Variants in PHC1 observed in about 807,000 individuals in gnomAD.
PHC1 encodes the protein polyhomeotic-like protein 1.
PHC1 carries 12 observed loss-of-function variants against 104.3 expected under a neutral mutation model. The observed-to-expected ratio is 0.12, with a 90% CI of 0.07 to 0.19. PHC1 has a LOEUF of 0.19. PHC1 is among the 10% of genes least tolerant of loss of function. The pLI is 1.00. For synonymous variants in PHC1, 302 were observed against 455.8 expected (o/e 0.66, Z 4.30); for missense variants, 671 against 1,200.0 (o/e 0.56, Z 6.51).
At position 8,921,708 on chromosome 12, in the gene PHC1, C is replaced by G. The variant is rs778531275; in HGVS notation, c.414C>G (p.Thr138=). Residue 138 remains threonine (T), a synonymous_variant, in exon 5 of 15, where the codon ACC becomes ACG. Transcript: ENST00000544916. ...AATCTGTGCTACTGGGGAACACCAC[C>G]TCCCCACCCCTCAACCAGTCTCAGG... ...LTQSVLLGNT[T]SPPLNQSQAQ... is the part of the protein sequence containing the mutation. 4.3e-6 allele frequency: 7 copies of G among 1,612,704 alleles called. No individual in the cohort carries two copies. In the South Asian group the frequency reaches 7.7e-5, roughly 18 times the overall value.
At chr12:8,922,503 G>A in intron 5 of PHC1, 130 bp from the exon 6 acceptor site, 1 of 715,380 alleles carries the variant, frequency 1.4e-6, no homozygotes, top group African/African-American at 1.8e-5. Context: ...TCCTGGGTTG[G>A]TGTGGAAGAG....
Position 8,933,265 on chromosome 12 carries a change from A to G in PHC1, c.1808A>G (p.His603Arg), listed in dbSNP as rs1565521592. The G allele has an allele frequency of 5.4e-6, 8 of 1,486,348 alleles. No individual in the cohort carries two copies. Among genetic ancestry groups the G allele is most frequent in the Non-Finnish European group, 5.4e-6 (6 of 1,108,218 alleles). The allele number at this position is 1,486,348 out of a possible 1,614,324, so 92.1% of individuals were successfully genotyped here. The change falls in exon 8 of 15, where the codon CAT becomes CGT. Residue 603 changes from histidine to arginine, a missense_variant. Around this residue, in one of 9 missense-constraint regions of PHC1, gnomAD observed 95 missense variants for 108.8 expected, o/e 0.87. Coordinates refer to ENST00000544916, the MANE Select transcript of PHC1 (RefSeq NM_004426.3). ...MTLAPVQGTA[H>R]VVKGGATTSS... ...CTTGCTCCTGTGCAGGGGACAGCAC[A>G]TGTGGTAAAGGGTGGGGCTACCACC...
intron 6 of PHC1, among the ~76,000 whole-genome samples, chr12:8,926,693 C>T (rs765590517): frequency 9.0e-4 from 136 of 151,896 alleles, no homozygotes; most frequent in Middle Eastern, 3.4e-3. Flanking sequence ...GTGGATCACC[C>T]GAGGTCAGGA....
intron 6 of PHC1, among the ~76,000 whole-genome samples, chr12:8,926,048 A>G (rs1592196866): frequency 2.0e-5 from 3 of 152,344 alleles, no homozygotes; most frequent in Middle Eastern, 6.8e-3. Flanking sequence ...AGGAGATGCC[A>G]GATAGGAAAT....
In PHC1 at chr12:8,932,565, A is replaced by G. The variant is rs761790348; in HGVS notation, c.1108A>G (p.Thr370Ala). 6.2e-7 allele frequency: 1 copy of G among 1,613,522 alleles called. No individual in the cohort carries two copies. The highest frequency in any genetic ancestry group is 8.5e-7 in the Non-Finnish European group (1 of 1,179,526). The part of the protein sequence containing the change: ...APSQTLISSA[T>A]YTQIQPHSLI... ...GTATTCTGGGATTGTTCCTATAGCCACCTACACACAGATCCAGCCCCATTC... is the reference window on the plus strand; with the variant it reads ...GTATTCTGGGATTGTTCCTATAGCCGCCTACACACAGATCCAGCCCCATTC... Residue 370 changes from threonine (T) to alanine (A), a missense_variant and splice_region_variant, in exon 8 of 15, where the codon ACC becomes GCC. Physicochemically the swap from Thr to Ala is moderately conservative, Grantham distance 58. Coordinates refer to ENST00000544916, the MANE Select transcript of PHC1 (RefSeq NM_004426.3).
chr12:8,926,140 G>T (rs1291143549), intron 6 of PHC1, among the ~76,000 whole-genome samples: 4 of 152,192 alleles, frequency 2.6e-5, no homozygotes, highest in African/African-American at 7.2e-5. Context: ...TGGACATGCA[G>T]ACCTAATTAG....
Position 8,933,943 on chromosome 12 carries a change from A to G in PHC1, c.1972A>G (p.Met658Val), listed in dbSNP as rs141595157. 9.2e-5 allele frequency: 148 copies of G among 1,613,646 alleles called. No homozygotes were observed. The African/African-American group carries it at 1.6e-3, about 18-fold the overall frequency. Reference protein sequence around the residue: ...ERDDVSTLGSMLPAKASPVAE... With the variant: ...ERDDVSTLGSVLPAKASPVAE... The stretch of plus-strand genomic sequence containing the variant: ...AGATGATGTCTCCACATTGGGTTCA[A>G]TGCTTCCTGCCAAGGCATCTCCAGT... Residue 658 changes from methionine (M) to valine (V), a missense_variant, in exon 9 of 15, where the codon ATG (methionine) becomes GTG (valine). Around this residue, in one of 9 missense-constraint regions of PHC1, gnomAD observed 95 missense variants for 108.8 expected, o/e 0.87. Transcript: ENST00000544916.
In PHC1 at chr12:8,937,941, G is replaced by A; in HGVS notation, c.2741G>A (p.Gly914Glu). Residue 914 changes from glycine to glutamate, a missense_variant, in exon 14 of 15, where the codon GGG becomes GAG. This residue lies in a region of PHC1 where 192 missense variants were observed against 280.5 expected (regional missense o/e 0.68). Transcript: ENST00000544916. ...VRAGHGERDL[G>E]NPNTAPPTPE... is the part of the protein sequence containing the mutation. ...GCTGGGCATGGAGAACGTGACCTGGGGAATCCCAATACAGCTCCACCTACA... is the reference window on the plus strand; with the variant it reads ...GCTGGGCATGGAGAACGTGACCTGGAGAATCCCAATACAGCTCCACCTACA... 1.2e-6 allele frequency: 2 copies of A among 1,603,406 alleles called. No individual in the cohort carries two copies. Among genetic ancestry groups the A allele is most frequent in the Non-Finnish European group, 8.5e-7 (1 of 1,170,464 alleles).
At chr12:8,918,947 T>A (rs970835620) in intron 2 of PHC1, among the ~76,000 whole-genome samples, 1 of 152,228 alleles carries the variant, frequency 6.6e-6, no homozygotes, top group African/African-American at 2.4e-5. Context: ...GCTGTTACTC[T>A]GACCACTCCT....
intron 13 of PHC1, 47 bp from the exon 14 acceptor site, chr12:8,937,782 A>G: frequency 6.8e-7 from 1 of 1,471,136 alleles, no homozygotes; most frequent in Non-Finnish European, 9.5e-7. Context: ...AGAGAGAGGA[A>G]TAAACCTTTG....
chr12:8,936,224 A>G (rs1331762801), intron 11 of PHC1, among the ~76,000 whole-genome samples: 1 of 152,196 alleles, frequency 6.6e-6, no homozygotes, highest in African/African-American at 2.4e-5. Flanking sequence ...CTACAAAAAA[A>G]TATAAAAATT....
chr12:8,936,416 G>A (rs1235408202), intron 11 of PHC1, among the ~76,000 whole-genome samples: 1 of 151,940 alleles, frequency 6.6e-6, no homozygotes, highest in Non-Finnish European at 1.5e-5. Flanking sequence ...ATCTAAAATA[G>A]GACATTTATA....
chr12:8,933,985 G>C lies in PHC1; in HGVS notation c.2014G>C (p.Val672Leu). The change falls in exon 9 of 15, where the codon GTC becomes CTC. Residue 672 changes from valine (V) to leucine (L), a missense_variant. By Grantham distance (32) the Val-to-Leu change is conservative. This residue lies in a region of PHC1 where 95 missense variants were observed against 108.8 expected (regional missense o/e 0.87). Coordinates refer to ENST00000544916, the MANE Select transcript of PHC1 (RefSeq NM_004426.3). ...KASPVAESPK[V>L]MDEKSSLGEK... is the part of the protein sequence containing the mutation. ...ATCTCCAGTAGCAGAAAGCCCAAAA[G>C]TCATGGACGAGAAGAGCAGTCTTGG... 1 of 1,614,180 alleles carries C rather than the reference G, an allele frequency of 6.2e-7. No individual in the cohort carries two copies.
upstream of PHC1, among the ~76,000 whole-genome samples, chr12:8,914,264 C>T (rs1945129600): frequency 6.6e-6 from 1 of 152,042 alleles, no homozygotes; most frequent in Admixed American, 6.5e-5. Context: ...TTCGTCCTTC[C>T]AACCGGCGAG....
In PHC1 at chr12:8,933,617, C is replaced by T. The variant is rs914909866; in HGVS notation, c.1894-248C>T. ...ACCAAATCAGTCTTTGAAAAAACAA[C>T]AGTTCTTGGTTGGTCTACGTGAATA... is the stretch of plus-strand genomic sequence containing the variant. On this transcript the variant is annotated intron_variant, in intron 8 of 14. Coordinates refer to ENST00000544916, the MANE Select transcript of PHC1 (RefSeq NM_004426.3). 7 of 600,016 alleles carry T rather than the reference C, an allele frequency of 1.2e-5. No individual in the cohort carries two copies. In the East Asian group the frequency reaches 2.0e-4, roughly 17 times the overall value. 37.2% of individuals were successfully genotyped at this position (600,016 alleles called of 1,614,324 possible). A position where few individuals can be genotyped will look rare whatever the true frequency, so the allele number is the denominator to read the frequency against.
In PHC1 at chr12:8,941,387, C is replaced by T. The variant is rs1946003573; in HGVS notation, c.*1928C>T. 1.1e-5 allele frequency: 2 copies of T among 183,266 alleles called. No homozygotes were observed. The highest frequency in any genetic ancestry group is 4.8e-5 in the African/African-American group (2 of 41,836). 11.4% of individuals were successfully genotyped at this position (183,266 alleles called of 1,614,324 possible). ...GAGGCTACTATAGGGTACAGAATAACAACATGAAAGCAATCAACCCTGTAT... is the reference window on the plus strand; with the variant it reads ...GAGGCTACTATAGGGTACAGAATAATAACATGAAAGCAATCAACCCTGTAT... On this transcript the variant is annotated 3_prime_UTR_variant, in exon 15 of 15. Transcript: ENST00000544916.
At chr12:8,933,525 C>A in intron 8 of PHC1, 175 bp downstream of exon 8, 1 of 911,358 alleles carries the variant, frequency 1.1e-6, no homozygotes, top group Non-Finnish European at 1.6e-6. Flanking sequence ...ACTTTATACT[C>A]CTAAATTTGT....
rs773853436 is a variant in PHC1 at position 8,930,979 on chromosome 12, TCCTTTTTTTCTTTTTTTG to T, written c.1105+66_1105+83del. The T allele has an allele frequency of 3.2e-5, 49 of 1,537,588 alleles. No homozygotes were observed. The African/African-American group carries it at 3.5e-4, about 11-fold the overall frequency. The stretch of plus-strand genomic sequence containing the variant: ...TTCTCTCAGAATTCATGTGAAATTT[TCCTTTTTTTCTTTTTTTG>T]CCTTTTTTTCTTTGCCTTTTTGTTT... On this transcript the variant is annotated intron_variant, in intron 7 of 14. Coordinates refer to ENST00000544916, the MANE Select transcript of PHC1 (RefSeq NM_004426.3).
chr12:8,936,750 G>GC lies in PHC1; in HGVS notation c.2369-106_2369-105insC, dbSNP rs965267812. On this transcript the variant is annotated intron_variant, in intron 11 of 14. Transcript: ENST00000544916. Reference sequence around the variant, plus strand: ...TCTCAACTAGGTTGTGTAGGTTTTTGGGGGTGAACCCTGAGAATAATTTTA... The same window carrying GC: ...TCTCAACTAGGTTGTGTAGGTTTTTGCGGGGTGAACCCTGAGAATAATTTTA... The GC allele has an allele frequency of 7.5e-6, 5 of 669,726 alleles. No individual in the cohort carries two copies. The Admixed American group carries it at 8.5e-5, about 11-fold the overall frequency. The allele number at this position is 669,726 out of a possible 1,614,324, so 41.5% of individuals were successfully genotyped here. A position where few individuals can be genotyped will look rare whatever the true frequency, so the allele number is the denominator to read the frequency against.
Sources: allele counts gnomAD v4.1 joint callset (sites outside exome capture counted in the v4.1 genomes callset), GRCh38; gene constraint gnomAD v4.1.1; regional missense constraint gnomAD v4.1.1; transcripts MANE v1.5; gene names NCBI Gene and HGNC (gene_info 2026-07-23, HGNC 2026-07-21).